BCL7C: variants seen among roughly 807,000 people sequenced by gnomAD.
The protein encoded by BCL7C is B-cell CLL/lymphoma 7 protein family member C.
In BCL7C, 8 loss-of-function variants were observed where a neutral mutation model predicts 26.2. That is an observed-to-expected ratio of 0.30 (90% CI 0.18 to 0.55). The LOEUF is 0.55. BCL7C is among the 20% of genes least tolerant of loss of function. The pLI is 0.93. For missense variants in BCL7C, 262 were observed against 298.5 expected (o/e 0.88, Z 0.90); for synonymous variants, 90 against 116.5 (o/e 0.77, Z 1.47).
intron 4 of BCL7C, among the ~76,000 whole-genome samples, chr16:30,892,141 C>T (rs1005668582): frequency 2.7e-5 from 4 of 150,380 alleles, no homozygotes; most frequent in African/African-American, 9.8e-5. Flanking sequence ...GTGGCATATG[C>T]CTGTGGTCCC....
Position 30,887,921 on chromosome 16 carries a change from C to G in BCL7C, c.598G>C (p.Asp200His). Residue 200 changes from aspartate to histidine, a missense_variant, in exon 6 of 6, where the codon GAC (aspartate) becomes CAC (histidine). Transcript: ENST00000215115. ...TTGAGTGGGGGGGCACCCTCCGAGT[C>G]CTCTGTGTCACCCTGGGCTGCCTCA... is the stretch of plus-strand genomic sequence containing the variant. Reference protein sequence around the residue: ...VPEAAQGDTEDSEGAPPLKRI... With the variant: ...VPEAAQGDTEHSEGAPPLKRI... 6.2e-7 allele frequency: 1 copy of G among 1,605,496 alleles called. No homozygotes were observed. The highest frequency in any genetic ancestry group is 8.5e-7 in the Non-Finnish European group (1 of 1,176,426).
At chr16:30,861,161 C>T (rs189617847) in intron 5 of BCL7C, among the ~76,000 whole-genome samples, 19 of 152,254 alleles carry the variant, frequency 1.2e-4, no homozygotes, top group African/African-American at 1.7e-4. Flanking sequence ...AACCCTTAGA[C>T]GCTCTACCGC....
downstream of BCL7C, among the ~76,000 whole-genome samples, chr16:30,884,500 T>G (rs1322899386): frequency 2.0e-5 from 3 of 148,344 alleles, no homozygotes; most frequent in Admixed American, 6.7e-5. Context: ...TTGTTTTTTT[T>G]TTTTTTTTTT....
Position 30,893,083 on chromosome 16 carries a change from GC to G in BCL7C, c.171+128del. 8.2e-7 allele frequency: 1 copy of G among 1,223,058 alleles called. No individual in the cohort carries two copies. The highest frequency in any genetic ancestry group is 1.2e-6 in the Non-Finnish European group (1 of 860,766). 75.8% of individuals were successfully genotyped at this position (1,223,058 alleles called of 1,614,324 possible). A position where few individuals can be genotyped will look rare whatever the true frequency, so the allele number is the denominator to read the frequency against. On this transcript the variant is annotated intron_variant, in intron 2 of 5. Transcript: ENST00000215115. This position sits in a 1 kb window ranked among gnomAD's most constrained non-coding sequence, Gnocchi z 5.2. ...AAAAGAGGGCAAAAGGGGAGGAGCT[GC>G]TAATGATGGTTCCCGTCTGTCCTGC...
rs564572427 is a variant in BCL7C, at chr16:30,834,670, C to T, written c.*278G>A. On this transcript the variant is annotated 3_prime_UTR_variant, in exon 6 of 6. Coordinates refer to the BCL7C transcript ENST00000380317. The surrounding 1 kb of genome is among the most constrained non-coding windows in gnomAD (Gnocchi z 4.3). ...GTGCGTGAGGAGGTGGGCGAGGCAG[C>T]CCAGTGCACCCCTCCCCTAGGCCTC... is the stretch of plus-strand genomic sequence containing the variant. The T allele has an allele frequency of 2.3e-4, 69 of 302,570 alleles. No homozygotes were observed. Among genetic ancestry groups the T allele is most frequent in the African/African-American group, 1.5e-3 (68 of 46,256 alleles). 18.7% of individuals were successfully genotyped at this position (302,570 alleles called of 1,614,324 possible). A position where few individuals can be genotyped will look rare whatever the true frequency, so the allele number is the denominator to read the frequency against.
intron 5 of BCL7C, chr16:30,851,522 G>A (rs570196518): frequency 2.3e-5 from 6 of 265,072 alleles, no homozygotes; most frequent in Non-Finnish European, 4.3e-5. Flanking sequence ...TTACAGGCGT[G>A]AGCCACCGCA....
chr16:30,841,247 G>A (rs2054600077), intron 5 of BCL7C, among the ~76,000 whole-genome samples: 1 of 152,140 alleles, frequency 6.6e-6, no homozygotes, highest in African/African-American at 2.4e-5. Context: ...TAGACTGAAT[G>A]TATATCCTGC....
chr16:30,863,785 C>T (rs1259399046), intron 5 of BCL7C, among the ~76,000 whole-genome samples: 2 of 152,154 alleles, frequency 1.3e-5, no homozygotes, highest in East Asian at 1.9e-4. Flanking sequence ...ATTTCATAAC[C>T]TCTTCCATGT....
chr16:30,861,542 C>A (rs1277042853), intron 5 of BCL7C, among the ~76,000 whole-genome samples: 1 of 152,204 alleles, frequency 6.6e-6, no homozygotes, highest in Admixed American at 6.5e-5. Context: ...GTCCAACTCG[C>A]CCAGCAGCCA....
At chr16:30,881,369 C>G (rs1306094296) in intron 5 of BCL7C, among the ~76,000 whole-genome samples, 2 of 147,006 alleles carry the variant, frequency 1.4e-5, no homozygotes, top group East Asian at 4.0e-4. Context: ...GCATTCCAGC[C>G]TGGGTGACAG....
At chr16:30,871,065 A>C (rs2054878407) in intron 5 of BCL7C, among the ~76,000 whole-genome samples, 1 of 152,172 alleles carries the variant, frequency 6.6e-6, no homozygotes, top group African/African-American at 2.4e-5. Context: ...ACAGTTGTTA[A>C]CTCATCACCA....
downstream of BCL7C, among the ~76,000 whole-genome samples, chr16:30,884,316 G>C (rs1169801062): frequency 1.3e-5 from 2 of 151,962 alleles, no homozygotes; most frequent in Non-Finnish European, 2.9e-5. Context: ...CCCAGCCTCA[G>C]GGACAGGAGA....
At chr16:30,840,916 C>G (rs2054598059) in intron 5 of BCL7C, among the ~76,000 whole-genome samples, 1 of 152,162 alleles carries the variant, frequency 6.6e-6, no homozygotes, top group Admixed American at 6.6e-5. Flanking sequence ...CTGGGTTCCT[C>G]CCATGACACG....
Position 30,881,125 on chromosome 16 carries a change from C to T in BCL7C, c.528+7735G>A, listed in dbSNP as rs542328210. On this transcript the variant is annotated intron_variant, in intron 5 of 5. Transcript: ENST00000380317. ...AACAATGTGCCTGCAGGCCGGGTGC[C>T]GTGGCTCATGCCTGTAATCCCAGCA... 3.3e-5 allele frequency among the ~76,000 whole-genome samples: 5 copies of T among 152,018 alleles called. No homozygotes were observed. The East Asian group carries it at 7.7e-4, about 24-fold the overall frequency.
At chr16:30,853,521 G>A (rs1202056891) in intron 5 of BCL7C, among the ~76,000 whole-genome samples, 2 of 152,186 alleles carry the variant, frequency 1.3e-5, no homozygotes, top group African/African-American at 4.8e-5. Flanking sequence ...AAATGTCCAT[G>A]GAGGTTTGCT....
At chr16:30,872,717 CT>C (rs1315707427) in intron 5 of BCL7C, among the ~76,000 whole-genome samples, 1 of 152,172 alleles carries the variant, frequency 6.6e-6, no homozygotes, top group Admixed American at 6.5e-5. Flanking sequence ...TCCCCACCCC[CT>C]ATCCTACTTC....
intron 5 of BCL7C, chr16:30,851,747 G>C: frequency 1.9e-6 from 1 of 534,902 alleles, no homozygotes; most frequent in Admixed American, 2.5e-5. Flanking sequence ...AACAGTGACC[G>C]TGACCTTTTT....
At chr16:30,844,651 T>C (rs1198751435) in intron 5 of BCL7C, among the ~76,000 whole-genome samples, 1 of 152,198 alleles carries the variant, frequency 6.6e-6, no homozygotes, top group Non-Finnish European at 1.5e-5. Flanking sequence ...CTGGCTTCTT[T>C]TCTCTGTAGG....
In BCL7C at chr16:30,893,481, T is replaced by TAG. The variant is rs1596631047; in HGVS notation, c.93-193_93-192dup. On this transcript the variant is annotated intron_variant, in intron 1 of 5. Transcript: ENST00000215115. The surrounding 1 kb of genome is among the most constrained non-coding windows in gnomAD (Gnocchi z 5.2). Reference sequence around the variant, plus strand: ...CCAGGGCATAGGCGGTGGGTGCCTCTAGAGAGAGGATATGATTTGGGGCCC... The same window carrying TAG: ...CCAGGGCATAGGCGGTGGGTGCCTCTAGAGAGAGAGGATATGATTTGGGGCCC... Among the ~76,000 whole-genome samples the TAG allele has an allele frequency of 6.6e-6, 1 of 151,988 alleles. No individual in the cohort carries two copies. The highest frequency in any genetic ancestry group is 6.5e-5 in the Admixed American group (1 of 15,278).
Sources: allele counts gnomAD v4.1 joint callset (sites outside exome capture counted in the v4.1 genomes callset), GRCh38; gene constraint gnomAD v4.1.1; non-coding constraint Gnocchi (gnomAD v3.1); transcripts MANE v1.5; gene names NCBI Gene and HGNC (gene_info 2026-07-23, HGNC 2026-07-21).